SYNDIG1L: variants seen among roughly 807,000 people sequenced by gnomAD.
SYNDIG1L encodes synapse differentiation inducing 1 like, also known as synapse differentiation-inducing gene protein 1-like.
SYNDIG1L carries 13 observed loss-of-function variants against 20.1 expected under a neutral mutation model. That is an observed-to-expected ratio of 0.65 (90% CI 0.42 to 1.03). The LOEUF is 1.03. SYNDIG1L is among the 50% of genes least tolerant of loss of function. The pLI, the probability that SYNDIG1L is intolerant of heterozygous loss-of-function variation, is 0.00. For synonymous variants in SYNDIG1L, 128 were observed against 129.3 expected (o/e 0.99, Z 0.07); for missense variants, 294 against 305.1 (o/e 0.96, Z 0.27).
the SYNDIG1L span, among the ~76,000 whole-genome samples, chr14:74,468,763 C>T: frequency 2.0e-5 from 3 of 152,192 alleles, no homozygotes; most frequent in Non-Finnish European, 4.4e-5. Flanking sequence ...TAGGACATGG[C>T]CTTTCTGTAG....
At chr14:74,453,405 A>T in the SYNDIG1L span, among the ~76,000 whole-genome samples, 1 of 132,854 alleles carries the variant, frequency 7.5e-6, no homozygotes. Flanking sequence ...GAAGAAGAAG[A>T]TCAGTTGTTT....
At chr14:74,453,217 C>T in the SYNDIG1L span, among the ~76,000 whole-genome samples, 1 of 151,704 alleles carries the variant, frequency 6.6e-6, no homozygotes, top group Admixed American at 6.6e-5. Flanking sequence ...CGTGGTGGCA[C>T]ATGCCTGTAA....
At chr14:74,435,955 T>A in the SYNDIG1L span, among the ~76,000 whole-genome samples, 1 of 152,138 alleles carries the variant, frequency 6.6e-6, no homozygotes, top group Admixed American at 6.5e-5. Flanking sequence ...TGCTGTAAAA[T>A]CCTCTACTTG....
the SYNDIG1L span, among the ~76,000 whole-genome samples, chr14:74,431,850 C>A: frequency 4.4e-3 from 671 of 152,310 alleles, 7 homozygotes; most frequent in African/African-American, 0.016. Flanking sequence ...TTGCTGAACT[C>A]AAAGGCTGAG....
intron 1 of SYNDIG1L, among the ~76,000 whole-genome samples, chr14:74,418,354 C>T (rs2086193986): frequency 6.6e-6 from 1 of 152,314 alleles, no homozygotes; most frequent in African/African-American, 2.4e-5. Flanking sequence ...CTTTCTTTGT[C>T]TCAGTTTGCC....
chr14:74,433,891 C>T, the SYNDIG1L span, among the ~76,000 whole-genome samples: 1 of 152,218 alleles, frequency 6.6e-6, no homozygotes, highest in South Asian at 2.1e-4. Context: ...CAAAACTAGC[C>T]ATCACAGTAT....
At chr14:74,457,693 C>T in the SYNDIG1L span, among the ~76,000 whole-genome samples, 1 of 152,018 alleles carries the variant, frequency 6.6e-6, no homozygotes, top group Non-Finnish European at 1.5e-5. Flanking sequence ...AGCAAAGAGG[C>T]CCAAAGCCAT....
At chr14:74,422,362 A>G (rs1353308325) in intron 1 of SYNDIG1L, among the ~76,000 whole-genome samples, 1 of 152,152 alleles carries the variant, frequency 6.6e-6, no homozygotes, top group East Asian at 1.9e-4. Context: ...ACCTTGCCCC[A>G]TATGAGATGC....
chr14:74,441,493 A>T, the SYNDIG1L span, among the ~76,000 whole-genome samples: 6 of 152,088 alleles, frequency 3.9e-5, no homozygotes, highest in Non-Finnish European at 8.8e-5. Context: ...AGAATTTTTT[A>T]AAAATAAATT....
chr14:74,458,762 C>T, the SYNDIG1L span, among the ~76,000 whole-genome samples: 609 of 151,786 alleles, frequency 4.0e-3, 5 homozygotes, highest in African/African-American at 0.014. Flanking sequence ...TGTCAGCAAA[C>T]ATTTTATACA....
the SYNDIG1L span, among the ~76,000 whole-genome samples, chr14:74,446,615 C>CA: frequency 1.4e-5 from 2 of 139,276 alleles, no homozygotes; most frequent in Non-Finnish European, 3.1e-5. Context: ...TATGTGCTGG[C>CA]TTTTTTTTTT....
rs756730607 is a variant in SYNDIG1L at position 74,407,116 on chromosome 14, G to A, written c.*419C>T. The stretch of plus-strand genomic sequence containing the variant: ...CCCTGTGGGCTGAAAGGATTGGGAC[G>A]GGTCCCCTTGTGCTCTGGGCACCCC... On this transcript the variant is annotated 3_prime_UTR_variant, in exon 4 of 4. Transcript: ENST00000331628. 6 of 203,396 alleles carry A rather than the reference G, an allele frequency of 2.9e-5. No individual in the cohort carries two copies. The highest frequency in any genetic ancestry group is 4.8e-5 in the African/African-American group (2 of 42,046). 12.6% of individuals were successfully genotyped at this position (203,396 alleles called of 1,614,324 possible). A position where few individuals can be genotyped will look rare whatever the true frequency, so the allele number is the denominator to read the frequency against.
At chr14:74,431,699 T>C in the SYNDIG1L span, among the ~76,000 whole-genome samples, 2 of 152,120 alleles carry the variant, frequency 1.3e-5, no homozygotes, top group East Asian at 3.9e-4. Flanking sequence ...GTCCAAGGAA[T>C]TGTGACATTT....
rs2139617312 is a variant in SYNDIG1L, at chr14:74,406,237, GC to G, written c.*1297del. On this transcript the variant is annotated 3_prime_UTR_variant, in exon 4 of 4. Transcript: ENST00000331628. ...ACTGAGCAGAGATATCAGTGAAGAT[GC>G]CCCAGGGGTAACCAGGTACCCACCA... The G allele has an allele frequency of 2.5e-6, 1 of 397,120 alleles. No individual in the cohort carries two copies. The highest frequency in any genetic ancestry group is 2.1e-5 in the African/African-American group (1 of 48,708). 24.6% of individuals were successfully genotyped at this position (397,120 alleles called of 1,614,324 possible). A position where few individuals can be genotyped will look rare whatever the true frequency, so the allele number is the denominator to read the frequency against.
the SYNDIG1L span, among the ~76,000 whole-genome samples, chr14:74,468,207 C>T: frequency 6.6e-6 from 1 of 152,132 alleles, no homozygotes; most frequent in Non-Finnish European, 1.5e-5. Context: ...CTGCCTCCAT[C>T]ACAAAGAGCC....
At chr14:74,466,048 C>T in the SYNDIG1L span, among the ~76,000 whole-genome samples, 1 of 152,190 alleles carries the variant, frequency 6.6e-6, no homozygotes, top group African/African-American at 2.4e-5. Context: ...CGCAGCCTGA[C>T]TGCTTTGAGG....
the SYNDIG1L span, among the ~76,000 whole-genome samples, chr14:74,436,075 T>A: frequency 1.2e-4 from 18 of 152,108 alleles, no homozygotes; most frequent in Admixed American, 1.2e-3. Flanking sequence ...CAAAGAGATA[T>A]GAGATATTGC....
the SYNDIG1L span, among the ~76,000 whole-genome samples, chr14:74,453,823 G>T: frequency 6.6e-6 from 1 of 151,934 alleles, no homozygotes; most frequent in African/African-American, 2.4e-5. Context: ...AAAATTAGCC[G>T]GGTGTGGTGG....
rs536448221 is a variant in SYNDIG1L, at chr14:74,422,300, AC to A, written c.-58+3611del. ...TAAGAGAAATGAGGACTTGACATAA[AC>A]GGCGGGGGTGAAGATCAGTCTTTAG... On this transcript the variant is annotated intron_variant, in intron 1 of 3. Transcript: ENST00000331628. 5.3e-5 allele frequency among the ~76,000 whole-genome samples: 8 copies of A among 152,158 alleles called. No homozygotes were observed. In the South Asian group the frequency reaches 1.7e-3, roughly 32 times the overall value.
Sources: gnomAD v4.1 joint callset for allele counts (sites outside exome capture counted in the v4.1 genomes callset) on GRCh38, gnomAD v4.1.1 for gene constraint, MANE v1.5 for transcripts, NCBI Gene and HGNC (gene_info 2026-07-23, HGNC 2026-07-21) for gene names.